ROBO1: variants seen among roughly 807,000 people sequenced by gnomAD.
ROBO1 encodes the protein roundabout guidance receptor 1.
Under a neutral mutation model 195.9 loss-of-function variants are expected in ROBO1, and 149 were observed. That is an observed-to-expected ratio of 0.76 (90% confidence interval 0.67 to 0.87). ROBO1 has a LOEUF of 0.87. Ranked by LOEUF, ROBO1 falls within the 40% of genes least tolerant of loss-of-function variation. The probability of loss-of-function intolerance (pLI) is 0.00; values close to 1 mark genes in which losing one functional copy is unlikely to be tolerated. For synonymous variants in ROBO1, 816 were observed against 733.2 expected, an observed-to-expected ratio of 1.11 and a Z score of -1.82; for missense variants, 1,933 against 2,068.3, an observed-to-expected ratio of 0.93 and a Z score of 1.27.
intron 2 of ROBO1, among the ~76,000 whole-genome samples, chr3:79,135,038 T>A (rs1576718478): frequency 6.7e-6 from 1 of 148,468 alleles, no homozygotes. Flanking sequence ...TAGAGTATAA[T>A]AAAAAAAAAC....
rs1247805442 is a variant in ROBO1 at position 78,849,171 on chromosome 3, G to C, written c.499+89430C>G. Among the ~76,000 whole-genome samples, 5 of 152,048 alleles carry C rather than the reference G, an allele frequency of 3.3e-5. No individual in the cohort carries two copies. In the East Asian group the frequency reaches 9.6e-4, roughly 29 times the overall value. On this transcript the variant is annotated intron_variant, in intron 4 of 30. Transcript: ENST00000464233. Reference sequence around the variant, plus strand: ...TTTGTTTTGGACACAGTAAGCTTGAGGTGTGTTTTAGATCTTCTAGTGGGC... The same window carrying C: ...TTTGTTTTGGACACAGTAAGCTTGACGTGTGTTTTAGATCTTCTAGTGGGC...
At chr3:78,982,877 C>T (rs1274407384) in intron 3 of ROBO1, among the ~76,000 whole-genome samples, 2 of 152,030 alleles carry the variant, frequency 1.3e-5, no homozygotes, top group Admixed American at 6.6e-5. Context: ...CCATGGCCTC[C>T]CAAAGTGTTG....
In ROBO1 at chr3:79,063,828, T is replaced by C. The variant is rs201670898; in HGVS notation, c.172+61628A>G. ...GCAAACGTGAAAAAAAAATGAAAAC[T>C]TTTTAAGGCACAAAAAGACAGACAT... On this transcript the variant is annotated intron_variant, in intron 3 of 30. Transcript: ENST00000464233. Among the ~76,000 whole-genome samples the C allele has an allele frequency of 2.6e-5, 4 of 151,838 alleles. No individual in the cohort carries two copies. The East Asian group carries it at 7.8e-4, about 29-fold the overall frequency.
chr3:79,507,184 A>G (rs1221247739), intron 2 of ROBO1, among the ~76,000 whole-genome samples: 1 of 152,230 alleles, frequency 6.6e-6, no homozygotes, highest in African/African-American at 2.4e-5. Context: ...ATGATGATGT[A>G]CAAAACAAGA....
intron 8 of ROBO1, among the ~76,000 whole-genome samples, chr3:78,701,943 C>T (rs1216107978): frequency 6.6e-6 from 1 of 152,102 alleles, no homozygotes; most frequent in South Asian, 2.1e-4. Flanking sequence ...TTTATCAAGT[C>T]ATCAGAGAAA....
intron 4 of ROBO1, among the ~76,000 whole-genome samples, chr3:78,914,171 C>G (rs1203042643): frequency 6.6e-6 from 1 of 151,990 alleles, no homozygotes; most frequent in African/African-American, 2.4e-5. Context: ...ATATAATATG[C>G]CAGAGACATA....
chr3:79,208,327 G>T (rs2081909190), intron 2 of ROBO1, among the ~76,000 whole-genome samples: 1 of 152,108 alleles, frequency 6.6e-6, no homozygotes, highest in East Asian at 1.9e-4. Flanking sequence ...TCTTGTAAAA[G>T]TTATTAATTT....
chr3:78,927,458 G>T (rs1266073454), intron 4 of ROBO1, among the ~76,000 whole-genome samples: 1 of 152,148 alleles, frequency 6.6e-6, no homozygotes, highest in East Asian at 1.9e-4. Context: ...AAATGTTTTT[G>T]CAGTTCATAT....
intron 2 of ROBO1, among the ~76,000 whole-genome samples, chr3:79,189,080 G>A (rs1196282442): frequency 6.6e-6 from 1 of 151,698 alleles, no homozygotes; most frequent in Non-Finnish European, 1.5e-5. Context: ...ATACATTTCT[G>A]TTTTTATAAG....
chr3:79,668,021 G>A (rs570612038), intron 1 of ROBO1, among the ~76,000 whole-genome samples: 3 of 151,786 alleles, frequency 2.0e-5, no homozygotes, highest in African/African-American at 7.2e-5. Context: ...TAGCACCTTC[G>A]CAATGAACAC....
intron 4 of ROBO1, among the ~76,000 whole-genome samples, chr3:78,833,846 C>G (rs2032456571): frequency 2.0e-5 from 3 of 152,118 alleles, no homozygotes; most frequent in Admixed American, 6.5e-5. Flanking sequence ...ATTTGGCATT[C>G]TGATCCTGAA....
chr3:79,492,315 C>G (rs1450889468), intron 2 of ROBO1, among the ~76,000 whole-genome samples: 1 of 150,082 alleles, frequency 6.7e-6, no homozygotes, highest in East Asian at 2.0e-4. Flanking sequence ...ATCCTAGCTA[C>G]TTGGGAGGCT....
At chr3:79,082,143 G>T (rs1316807187) in intron 3 of ROBO1, among the ~76,000 whole-genome samples, 1 of 152,118 alleles carries the variant, frequency 6.6e-6, no homozygotes, top group Non-Finnish European at 1.5e-5. Flanking sequence ...TTTGGAAAAT[G>T]ATGTATTTCA....
At position 79,263,519 on chromosome 3, in the gene ROBO1, T is replaced by A. The variant is rs116500151; in HGVS notation, c.89-137980A>T. Among the ~76,000 whole-genome samples, 561 of 152,064 alleles carry A rather than the reference T, an allele frequency of 3.7e-3. 5 individuals are homozygous for A. Among genetic ancestry groups the A allele is most frequent in the African/African-American group, 0.013 (521 of 41,526 alleles). ...TTAAAAAATAATTAGCCAAGGGTGG[T>A]GGCATACATAGCTACTCAGGAGGTT... On this transcript the variant is annotated intron_variant, in intron 2 of 30. Transcript: ENST00000464233.
chr3:79,467,723 C>T (rs1052337226), intron 2 of ROBO1, among the ~76,000 whole-genome samples: 6 of 152,120 alleles, frequency 3.9e-5, no homozygotes, highest in Non-Finnish European at 5.9e-5. Context: ...TTCCTGGATG[C>T]CAGGCAAGAA....
chr3:79,490,938 C>T (rs1939420909), intron 2 of ROBO1, among the ~76,000 whole-genome samples: 1 of 152,118 alleles, frequency 6.6e-6, no homozygotes, highest in East Asian at 1.9e-4. Context: ...GTCCTCTTCC[C>T]TCCCCCTTCC....
At chr3:79,009,600 G>C (rs981548809) in intron 3 of ROBO1, among the ~76,000 whole-genome samples, 1 of 152,164 alleles carries the variant, frequency 6.6e-6, no homozygotes, top group Non-Finnish European at 1.5e-5. Context: ...ACTTCTGAAA[G>C]AGTATTGATT....
intron 28 of ROBO1, among the ~76,000 whole-genome samples, chr3:78,608,842 T>C (rs1703621836): frequency 6.6e-6 from 1 of 152,110 alleles, no homozygotes; most frequent in South Asian, 2.1e-4. Flanking sequence ...TTTGTCACAG[T>C]TGGCTCGGTG....
intron 2 of ROBO1, among the ~76,000 whole-genome samples, chr3:79,264,345 G>C (rs1038937387): frequency 6.6e-6 from 1 of 151,162 alleles, no homozygotes; most frequent in Non-Finnish European, 1.5e-5. Flanking sequence ...ATATATATAT[G>C]TATGTATCTT....
Sources: gnomAD v4.1 joint callset for allele counts (sites outside exome capture counted in the v4.1 genomes callset) on GRCh38, gnomAD v4.1.1 for gene constraint, MANE v1.5 for transcripts, NCBI Gene and HGNC (gene_info 2026-07-23, HGNC 2026-07-21) for gene names.